Variants in RIPOR2 observed in about 807,000 individuals in gnomAD.
RIPOR2 encodes the protein rho family-interacting cell polarization regulator 2.
RIPOR2 carries 39 observed loss-of-function variants against 114.5 expected under a neutral mutation model. The observed-to-expected ratio is 0.34, with a 90% CI of 0.26 to 0.44. The LOEUF (loss-of-function observed/expected upper bound fraction) is 0.44. Among genes scored for constraint, RIPOR2 ranks in the 20% least tolerant of loss-of-function variants. The probability of loss-of-function intolerance (pLI) is 1.00; values close to 1 mark genes in which losing one functional copy is unlikely to be tolerated. For synonymous variants in RIPOR2, 445 were observed against 484.4 expected (o/e 0.92, Z 1.07); for missense variants, 1,007 against 1,255.1 (o/e 0.80, Z 2.99).
chr6:24,956,364 T>C (rs1773043833), intron 1 of RIPOR2, among the ~76,000 whole-genome samples: 1 of 152,210 alleles, frequency 6.6e-6, no homozygotes, highest in African/African-American at 2.4e-5. Context: ...TTTTTCCTTA[T>C]TTTAAAAGCA....
At chr6:24,928,973 A>G (rs774213394) in intron 1 of RIPOR2, among the ~76,000 whole-genome samples, 1 of 152,170 alleles carries the variant, frequency 6.6e-6, no homozygotes, top group Non-Finnish European at 1.5e-5. Flanking sequence ...TGTATCCATC[A>G]CTGTGTCTTT....
At position 24,883,868 on chromosome 6, in the gene RIPOR2, G is replaced by C. The variant is rs577549033; in HGVS notation, c.62-8051C>G. 2.0e-5 allele frequency among the ~76,000 whole-genome samples: 3 copies of C among 152,178 alleles called. No individual in the cohort carries two copies. Among genetic ancestry groups the C allele is most frequent in the African/African-American group, 7.2e-5 (3 of 41,530 alleles). ...CTTCCTTTCTTTTTCCCCTAACAAT[G>C]CCATCCTGTTTATGCTCCCCCACAT... On this transcript the variant is annotated intron_variant, in intron 1 of 21. Transcript: ENST00000643898. The surrounding 1 kb of genome is among the most constrained non-coding windows in gnomAD (Gnocchi z 4.1).
intron 1 of RIPOR2, among the ~76,000 whole-genome samples, chr6:25,040,824 G>A (rs756314751): frequency 1.3e-5 from 2 of 152,002 alleles, no homozygotes; most frequent in African/African-American, 4.8e-5. Flanking sequence ...ATCTCTTGAC[G>A]TCATGATCCT....
At chr6:25,022,997 ATT>A (rs34977901) in intron 1 of RIPOR2, among the ~76,000 whole-genome samples, 1 of 149,158 alleles carries the variant, frequency 6.7e-6, no homozygotes, top group African/African-American at 2.5e-5. Context: ...AGAGCAGTCA[ATT>A]TTTTTTTTTA....
intron 4 of RIPOR2, among the ~76,000 whole-genome samples, chr6:24,871,400 G>A (rs1002130922): frequency 2.0e-5 from 3 of 152,222 alleles, no homozygotes; most frequent in Non-Finnish European, 2.9e-5. Flanking sequence ...TGCCCAGGCT[G>A]GAGTGCAGTG....
At chr6:24,895,296 G>C (rs961283609) in intron 1 of RIPOR2, among the ~76,000 whole-genome samples, 5 of 152,230 alleles carry the variant, frequency 3.3e-5, no homozygotes, top group Middle Eastern at 6.8e-3. Context: ...TGATCCGCCC[G>C]CCTTGGCCTC....
At chr6:24,811,473 G>A (rs1331325520) in intron 20 of RIPOR2, among the ~76,000 whole-genome samples, 2 of 151,494 alleles carry the variant, frequency 1.3e-5, no homozygotes, top group African/African-American at 4.9e-5. Context: ...CTGACCTCAA[G>A]TGATACGCCT....
chr6:24,818,303 G>C (rs1562214612), intron 20 of RIPOR2, among the ~76,000 whole-genome samples: 1 of 152,092 alleles, frequency 6.6e-6, no homozygotes. Flanking sequence ...AGGCAAACTG[G>C]TTCCCTTGGG....
intron 18 of RIPOR2, among the ~76,000 whole-genome samples, chr6:24,826,923 G>C (rs1303733620): frequency 1.3e-5 from 2 of 151,176 alleles, no homozygotes; most frequent in African/African-American, 2.4e-5. Context: ...AATAATGAAG[G>C]CTTTTCCCTT....
rs73731434 is a variant in RIPOR2, at chr6:24,911,889, C to T, written c.61+23949G>A. Among the ~76,000 whole-genome samples the T allele has an allele frequency of 7.3e-3, 1,106 of 152,222 alleles. 19 individuals are homozygous for T. Among genetic ancestry groups the T allele is most frequent in the African/African-American group, 0.021 (885 of 41,518 alleles). ...TAGAATATGTTAACTAGAATAGTAC[C>T]ACAAGACACATCCACTCCCTCCCAC... On this transcript the variant is annotated intron_variant, in intron 1 of 21. Coordinates refer to ENST00000643898, the MANE Select transcript of RIPOR2 (RefSeq NM_001286445.3).
intron 1 of RIPOR2, among the ~76,000 whole-genome samples, chr6:25,003,711 A>G (rs374135198): frequency 6.6e-6 from 1 of 152,078 alleles, no homozygotes; most frequent in Non-Finnish European, 1.5e-5. Context: ...CATTACAAAC[A>G]TGAGCCACCA....
At chr6:24,916,694 C>A (rs968336088) in intron 1 of RIPOR2, among the ~76,000 whole-genome samples, 1 of 152,212 alleles carries the variant, frequency 6.6e-6, no homozygotes, top group Non-Finnish European at 1.5e-5. Context: ...ATCCTTTGCC[C>A]GTGTCTGGCA....
chr6:24,856,207 C>T (rs1763459469), intron 8 of RIPOR2, among the ~76,000 whole-genome samples: 1 of 152,156 alleles, frequency 6.6e-6, no homozygotes, highest in Non-Finnish European at 1.5e-5. Context: ...ACCAGCTCGT[C>T]CGTGCCTTCC....
chr6:24,972,817 T>G (rs1197097407), intron 1 of RIPOR2, among the ~76,000 whole-genome samples: 1 of 152,206 alleles, frequency 6.6e-6, no homozygotes, highest in East Asian at 1.9e-4. Flanking sequence ...TGGACAAATT[T>G]TAGAAGCTTT....
chr6:24,855,864 T>G (rs9461074), intron 8 of RIPOR2, among the ~76,000 whole-genome samples: 26 of 152,070 alleles, frequency 1.7e-4, no homozygotes, highest in African/African-American at 6.0e-4. Context: ...TGAGACCCTA[T>G]CTCTACGAAA....
intron 1 of RIPOR2, among the ~76,000 whole-genome samples, chr6:24,971,132 C>CA (rs1415206584): frequency 3.8e-4 from 58 of 152,122 alleles, no homozygotes; most frequent in Non-Finnish European, 2.6e-4. Flanking sequence ...GAAGAGGAAG[C>CA]AAAAAACTAC....
At chr6:24,860,692 A>G (rs1479090159) in intron 8 of RIPOR2, among the ~76,000 whole-genome samples, 1 of 152,196 alleles carries the variant, frequency 6.6e-6, no homozygotes, top group African/African-American at 2.4e-5. Context: ...ATGTGGCAAA[A>G]TCTTGCTAAT....
intron 1 of RIPOR2, among the ~76,000 whole-genome samples, chr6:24,973,058 GAGGA>G (rs1388402645): frequency 1.6e-5 from 2 of 123,560 alleles, no homozygotes; most frequent in Non-Finnish European, 3.6e-5. Context: ...AATGAAAGGA[GAGGA>G]AGGAAGGAAA....
At position 25,039,171 on chromosome 6, in the gene RIPOR2, C is replaced by A. The variant is rs953050361; in HGVS notation, c.76+2680G>T. ...AGCTTCAGAGAAAGAAGACAGGAAA[C>A]GTTATCAAAGCAGATTTTAGCAGCT... On this transcript the variant is annotated intron_variant, in intron 1 of 13. Transcript: ENST00000510784. Among the ~76,000 whole-genome samples, 4 of 152,324 alleles carry A rather than the reference C, an allele frequency of 2.6e-5. 1 individual carries two copies. The South Asian group carries it at 8.3e-4, about 32-fold the overall frequency.
Sources: gnomAD v4.1 joint callset for allele counts (sites outside exome capture counted in the v4.1 genomes callset) on GRCh38, gnomAD v4.1.1 for gene constraint, Gnocchi (gnomAD v3.1) non-coding constraint, MANE v1.5 for transcripts, NCBI Gene and HGNC (gene_info 2026-07-23, HGNC 2026-07-21) for gene names.